Variants in TMEM178B observed in about 807,000 individuals in gnomAD.
TMEM178B encodes transmembrane protein 178B.
A neutral mutation model predicts 31.0 loss-of-function variants in TMEM178B; 5 were observed. That is an observed-to-expected ratio of 0.16 (90% CI 0.08 to 0.34). The LOEUF is 0.34. Among genes scored for constraint, TMEM178B ranks in the 10% least tolerant of loss-of-function variants. TMEM178B has a pLI of 1.00. For missense variants in TMEM178B, 275 were observed against 400.3 expected (o/e 0.69, Z 2.67); for synonymous variants, 164 against 164.0 (o/e 1.00, Z 0.00).
At chr7:141,357,672 T>C (rs1225498348) in intron 2 of TMEM178B, among the ~76,000 whole-genome samples, 1 of 152,246 alleles carries the variant, frequency 6.6e-6, no homozygotes, top group Non-Finnish European at 1.5e-5. Flanking sequence ...ATCATTTATA[T>C]GCATCACTAC....
chr7:141,375,482 G>A (rs1404905840), intron 2 of TMEM178B, among the ~76,000 whole-genome samples: 1 of 152,222 alleles, frequency 6.6e-6, no homozygotes, highest in Non-Finnish European at 1.5e-5. Flanking sequence ...TTATGATGCT[G>A]ATTTTAGCAG....
chr7:141,413,158 A>G (rs1305514707), intron 2 of TMEM178B, among the ~76,000 whole-genome samples: 1 of 152,140 alleles, frequency 6.6e-6, no homozygotes. Context: ...AAGCAATTGT[A>G]TGCCACCCCC....
intron 2 of TMEM178B, among the ~76,000 whole-genome samples, chr7:141,247,925 A>G (rs1014899585): frequency 6.6e-6 from 1 of 151,748 alleles, no homozygotes; most frequent in African/African-American, 2.4e-5. Context: ...GGCTCTCAGG[A>G]CCCTCATGAG....
chr7:141,328,112 T>C (rs1017155834), intron 2 of TMEM178B, among the ~76,000 whole-genome samples: 5 of 152,222 alleles, frequency 3.3e-5, no homozygotes, highest in Non-Finnish European at 7.3e-5. Context: ...CTCAATTCTG[T>C]TTCCCAGATG....
chr7:141,263,367 AG>A lies in TMEM178B; in HGVS notation c.496+50665del, dbSNP rs140281077. Reference sequence around the variant, plus strand: ...CCAGGCTGATGGGATACATGGGCACAGGTGGCAGTTTCCCAGGTACAGTCTT... The same window carrying A: ...CCAGGCTGATGGGATACATGGGCACAGTGGCAGTTTCCCAGGTACAGTCTT... On this transcript the variant is annotated intron_variant, in intron 2 of 3. Coordinates refer to ENST00000565468, the MANE Select transcript of TMEM178B (RefSeq NM_001195278.2). Among the ~76,000 whole-genome samples the A allele has an allele frequency of 3.8e-3, 581 of 152,328 alleles. 3 individuals carry two copies. Among genetic ancestry groups the A allele is most frequent in the African/African-American group, 0.014 (565 of 41,578 alleles).
rs141415408 is a variant in TMEM178B, at chr7:141,264,616, G to A, written c.496+51912G>A. On this transcript the variant is annotated intron_variant, in intron 2 of 3. Coordinates refer to ENST00000565468, the MANE Select transcript of TMEM178B (RefSeq NM_001195278.2). ...AAACCCAGTGGATTTGTTGGTAAGT[G>A]AAATACTGTTCTAGGTTGTGATTTA... 5.3e-5 allele frequency among the ~76,000 whole-genome samples: 8 copies of A among 152,174 alleles called. No homozygotes were observed. The East Asian group carries it at 1.5e-3, about 29-fold the overall frequency.
intron 2 of TMEM178B, among the ~76,000 whole-genome samples, chr7:141,261,407 A>G (rs1368465017): frequency 1.3e-5 from 2 of 152,082 alleles, no homozygotes; most frequent in African/African-American, 4.8e-5. Context: ...CAGGGGCAGA[A>G]GTTAGAACCT....
chr7:141,499,380 C>A, the TMEM178B span, among the ~76,000 whole-genome samples: 1 of 147,140 alleles, frequency 6.8e-6, no homozygotes, highest in Non-Finnish European at 1.5e-5. Flanking sequence ...ATAATCTCAG[C>A]ACTTTGGGAG....
In TMEM178B at chr7:141,344,244, TG is replaced by T. The variant is rs1472234263; in HGVS notation, c.497-93363del. ...TAATATTCTATGCTATAAGGTTTTA[TG>T]AGTCCCATTTTAAAGATCAGAACAG... is the stretch of plus-strand genomic sequence containing the variant. On this transcript the variant is annotated intron_variant, in intron 2 of 3. Transcript: ENST00000565468. This position sits in a 1 kb window ranked among gnomAD's most constrained non-coding sequence, Gnocchi z 4.1. Among the ~76,000 whole-genome samples, 1 of 152,210 alleles carries T rather than the reference TG, an allele frequency of 6.6e-6. No homozygotes were observed. Among genetic ancestry groups the T allele is most frequent in the Admixed American group, 6.5e-5 (1 of 15,282 alleles).
At chr7:141,252,053 T>C (rs1797842295) in intron 2 of TMEM178B, among the ~76,000 whole-genome samples, 1 of 152,226 alleles carries the variant, frequency 6.6e-6, no homozygotes. Flanking sequence ...CTACCGAAGA[T>C]GCTATGAAAT....
At chr7:141,346,857 C>G (rs1799628591) in intron 2 of TMEM178B, among the ~76,000 whole-genome samples, 1 of 152,106 alleles carries the variant, frequency 6.6e-6, no homozygotes, top group South Asian at 2.1e-4. Context: ...GTGCCCCTAC[C>G]CAAATCTCAT....
intron 1 of TMEM178B, among the ~76,000 whole-genome samples, chr7:141,106,371 A>C (rs1795146592): frequency 6.6e-6 from 1 of 152,228 alleles, no homozygotes; most frequent in Non-Finnish European, 1.5e-5. Flanking sequence ...TTGTATATTA[A>C]AACACATAGA....
chr7:141,216,038 C>T (rs1263493172), intron 2 of TMEM178B, among the ~76,000 whole-genome samples: 1 of 151,484 alleles, frequency 6.6e-6, no homozygotes, highest in Non-Finnish European at 1.5e-5. Context: ...ACCATGTTGG[C>T]CAGGCTGGTC....
At chr7:141,242,002 TTA>T (rs1797631079) in intron 2 of TMEM178B, among the ~76,000 whole-genome samples, 4 of 152,234 alleles carry the variant, frequency 2.6e-5, no homozygotes, top group Admixed American at 2.0e-4. Context: ...ATCTATAGTT[TTA>T]TAGAGTCCAT....
At chr7:141,491,091 A>G in the TMEM178B span, among the ~76,000 whole-genome samples, 1 of 151,958 alleles carries the variant, frequency 6.6e-6, no homozygotes, top group African/African-American at 2.4e-5. Context: ...GCAGTGGTGC[A>G]GTTATGGCTC....
intron 2 of TMEM178B, among the ~76,000 whole-genome samples, chr7:141,327,542 A>G (rs1428555183): frequency 6.6e-6 from 1 of 152,184 alleles, no homozygotes; most frequent in Admixed American, 6.5e-5. Context: ...GATTTCATGA[A>G]TTTTGACAAC....
At chr7:141,347,854 A>AT (rs1250495424) in intron 2 of TMEM178B, among the ~76,000 whole-genome samples, 1 of 152,202 alleles carries the variant, frequency 6.6e-6, no homozygotes, top group African/African-American at 2.4e-5. Flanking sequence ...AGTGTGTGTA[A>AT]TGTAATGAAT....
intron 2 of TMEM178B, among the ~76,000 whole-genome samples, chr7:141,249,587 G>A (rs1797796989): frequency 6.6e-6 from 1 of 152,136 alleles, no homozygotes; most frequent in Non-Finnish European, 1.5e-5. Context: ...GTTCAGGGAG[G>A]GTGTTAGCAG....
At chr7:141,150,434 A>T (rs1795952064) in intron 1 of TMEM178B, among the ~76,000 whole-genome samples, 1 of 152,224 alleles carries the variant, frequency 6.6e-6, no homozygotes, top group East Asian at 1.9e-4. Flanking sequence ...AGCTCTTTCT[A>T]TCAGTGGGTA....
Sources: gnomAD v4.1 joint callset for allele counts (sites outside exome capture counted in the v4.1 genomes callset) on GRCh38, gnomAD v4.1.1 for gene constraint, Gnocchi (gnomAD v3.1) non-coding constraint, MANE v1.5 for transcripts, NCBI Gene and HGNC (gene_info 2026-07-23, HGNC 2026-07-21) for gene names.